SEMA6D: variants seen among roughly 807,000 people sequenced by gnomAD.
SEMA6D encodes semaphorin 6D, also known as semaphorin-6D.
A neutral mutation model predicts 106.6 loss-of-function variants in SEMA6D; 35 were observed. The observed-to-expected ratio is 0.33, with a 90% CI of 0.25 to 0.44. The LOEUF is 0.44. SEMA6D is among the 20% of genes least tolerant of loss of function. SEMA6D has a pLI of 1.00. For synonymous variants in SEMA6D, 499 were observed against 487.7 expected (o/e 1.02, Z -0.31); for missense variants, 1,185 against 1,345.9 (o/e 0.88, Z 1.87).
At chr15:47,675,815 A>G (rs1264249092) in intron 4 of SEMA6D, among the ~76,000 whole-genome samples, 1 of 151,782 alleles carries the variant, frequency 6.6e-6, no homozygotes, top group Non-Finnish European at 1.5e-5. Context: ...AGGCATCCCT[A>G]CCCCTTTCCC....
intron 3 of SEMA6D, among the ~76,000 whole-genome samples, chr15:47,497,784 A>G (rs2043718237): frequency 6.6e-6 from 1 of 152,130 alleles, no homozygotes; most frequent in Non-Finnish European, 1.5e-5. Flanking sequence ...GTACCATACT[A>G]TCATTCAGCT....
intron 1 of SEMA6D, among the ~76,000 whole-genome samples, chr15:47,404,045 T>C (rs892936839): frequency 6.6e-6 from 1 of 152,180 alleles, no homozygotes; most frequent in African/African-American, 2.4e-5. Flanking sequence ...AATTGTCAGC[T>C]CCCTTTGTGT....
intron 4 of SEMA6D, among the ~76,000 whole-genome samples, chr15:47,631,356 G>A (rs1214493362): frequency 6.6e-6 from 1 of 151,486 alleles, no homozygotes; most frequent in African/African-American, 2.4e-5. Flanking sequence ...CTAAATTGTA[G>A]AATTTATGAG....
rs531125332 is a variant in SEMA6D, at chr15:47,675,970, C to A, written c.-55+75074C>A. On this transcript the variant is annotated intron_variant, in intron 4 of 19. Coordinates refer to the SEMA6D transcript ENST00000558014. ...TGGGGAGGGGGGAGGGGGGAGAAGCCTTTCTGCCTTGGGCTGCCCCTGGCA... is the reference window on the plus strand; with the variant it reads ...TGGGGAGGGGGGAGGGGGGAGAAGCATTTCTGCCTTGGGCTGCCCCTGGCA... Among the ~76,000 whole-genome samples the A allele has an allele frequency of 1.1e-4, 17 of 152,126 alleles. 1 individual carries two copies. Among genetic ancestry groups the A allele is most frequent in the African/African-American group, 4.1e-4 (17 of 41,502 alleles).
At chr15:47,652,476 G>A (rs780460220) in intron 4 of SEMA6D, among the ~76,000 whole-genome samples, 7 of 151,974 alleles carry the variant, frequency 4.6e-5, no homozygotes, top group Non-Finnish European at 7.4e-5. Flanking sequence ...CCGCCTGCCC[G>A]CTCCGCTCCC....
intron 1 of SEMA6D, among the ~76,000 whole-genome samples, chr15:47,204,837 A>G (rs1294854098): frequency 1.3e-5 from 2 of 152,150 alleles, no homozygotes; most frequent in Non-Finnish European, 2.9e-5. Flanking sequence ...AGGGAGGATT[A>G]TAATTGGAGA....
intron 4 of SEMA6D, among the ~76,000 whole-genome samples, chr15:47,637,261 C>A (rs758256012): frequency 1.3e-5 from 2 of 152,174 alleles, no homozygotes; most frequent in Non-Finnish European, 2.9e-5. Context: ...ATATTTCTTT[C>A]CACCCCAAAC....
intron 1 of SEMA6D, among the ~76,000 whole-genome samples, chr15:47,209,058 G>T (rs1895306496): frequency 6.6e-6 from 1 of 152,108 alleles, no homozygotes; most frequent in South Asian, 2.1e-4. Flanking sequence ...TTCTGCAATA[G>T]CTAGACCCAA....
At chr15:47,662,062 G>T (rs2077931747) in intron 4 of SEMA6D, among the ~76,000 whole-genome samples, 1 of 152,134 alleles carries the variant, frequency 6.6e-6, no homozygotes, top group African/African-American at 2.4e-5. Flanking sequence ...AAGCAAAAAT[G>T]GAGTGAGTGG....
intron 4 of SEMA6D, among the ~76,000 whole-genome samples, chr15:47,664,403 A>G (rs1307820373): frequency 6.6e-6 from 1 of 152,214 alleles, no homozygotes; most frequent in African/African-American, 2.4e-5. Context: ...TGATGATTCC[A>G]CTTAAGAAAT....
intron 4 of SEMA6D, among the ~76,000 whole-genome samples, chr15:47,638,980 G>C (rs148244359): frequency 4.1e-4 from 62 of 152,312 alleles, no homozygotes; most frequent in African/African-American, 1.5e-3. Flanking sequence ...TTGCCTGCTT[G>C]TATGTGGCTT....
At chr15:47,683,397 T>G (rs114689653) in intron 4 of SEMA6D, among the ~76,000 whole-genome samples, 1 of 152,184 alleles carries the variant, frequency 6.6e-6, no homozygotes, top group African/African-American at 2.4e-5. Context: ...ATTTCATTCT[T>G]TTTTATGTCT....
chr15:47,313,765 T>C (rs971252777), intron 1 of SEMA6D, among the ~76,000 whole-genome samples: 4 of 152,164 alleles, frequency 2.6e-5, no homozygotes, highest in Non-Finnish European at 5.9e-5. Flanking sequence ...AGTGCTGCTG[T>C]GTTGTGCAGG....
intron 1 of SEMA6D, among the ~76,000 whole-genome samples, chr15:47,740,059 A>T (rs1311202198): frequency 6.6e-6 from 1 of 152,190 alleles, no homozygotes; most frequent in Non-Finnish European, 1.5e-5. Context: ...AATATTCATA[A>T]AGTAGAGCCT....
chr15:47,365,955 A>AAAAG (rs1363325901), intron 1 of SEMA6D, among the ~76,000 whole-genome samples: 2 of 151,890 alleles, frequency 1.3e-5, no homozygotes, highest in African/African-American at 2.4e-5. Context: ...AGAAAGATAG[A>AAAAG]AAAGAAAGAA....
chr15:47,542,547 C>T (rs1333532964), intron 3 of SEMA6D, among the ~76,000 whole-genome samples: 1 of 152,132 alleles, frequency 6.6e-6, no homozygotes, highest in Admixed American at 6.6e-5. Flanking sequence ...AGCAAGAGAC[C>T]TGTTTTGGCT....
chr15:47,361,686 G>A (rs1303563239), intron 1 of SEMA6D, among the ~76,000 whole-genome samples: 1 of 152,160 alleles, frequency 6.6e-6, no homozygotes, highest in Non-Finnish European at 1.5e-5. Context: ...AGGAACAGAT[G>A]ATGAGAGGAG....
intron 1 of SEMA6D, among the ~76,000 whole-genome samples, chr15:47,350,505 G>A (rs1305119582): frequency 6.6e-6 from 1 of 152,044 alleles, no homozygotes; most frequent in African/African-American, 2.4e-5. Context: ...AACCACAGAC[G>A]CTTCAGTCAT....
intron 1 of SEMA6D, among the ~76,000 whole-genome samples, chr15:47,245,238 A>G (rs751279425): frequency 2.0e-5 from 3 of 152,084 alleles, no homozygotes; most frequent in Non-Finnish European, 4.4e-5. Flanking sequence ...TTCTGGGTCA[A>G]ATGGTAGTTA....
Sources: allele counts gnomAD v4.1 joint callset (sites outside exome capture counted in the v4.1 genomes callset), GRCh38; gene constraint gnomAD v4.1.1; transcripts MANE v1.5; gene names NCBI Gene and HGNC (gene_info 2026-07-23, HGNC 2026-07-21).